TBC1D12: variants seen among roughly 807,000 people sequenced by gnomAD.
TBC1D12 encodes TBC1 domain family member 12.
In TBC1D12, 56 loss-of-function variants were observed where a neutral mutation model predicts 86.7. That is an observed-to-expected ratio of 0.65 (90% CI 0.52 to 0.81). The LOEUF is 0.81. Among genes scored for constraint, TBC1D12 ranks in the 30% least tolerant of loss-of-function variants. TBC1D12 has a pLI of 0.00. For synonymous variants in TBC1D12, 421 were observed against 411.7 expected (o/e 1.02, Z -0.27); for missense variants, 1,023 against 1,038.8 (o/e 0.98, Z 0.21).
At chr10:94,440,249 A>C (rs562520706) in intron 1 of TBC1D12, among the ~76,000 whole-genome samples, 9 of 151,712 alleles carry the variant, frequency 5.9e-5, no homozygotes, top group Non-Finnish European at 1.3e-4. Context: ...AGCTCACTGC[A>C]TCCTTAACTC....
In TBC1D12 at chr10:94,483,515, G is replaced by A. The variant is rs2056109644; in HGVS notation, c.1211+8732G>A. 2.0e-5 allele frequency among the ~76,000 whole-genome samples: 3 copies of A among 152,188 alleles called. No homozygotes were observed. In the South Asian group the frequency reaches 6.2e-4, roughly 31 times the overall value. Reference sequence around the variant, plus strand: ...GATTTGCATTTCTCTGATCAGTGATGTTGAGCACCTTTGAATATGGCTGTT... The same window carrying A: ...GATTTGCATTTCTCTGATCAGTGATATTGAGCACCTTTGAATATGGCTGTT... On this transcript the variant is annotated intron_variant, in intron 3 of 12. Coordinates refer to ENST00000225235, the MANE Select transcript of TBC1D12 (RefSeq NM_015188.2).
At chr10:94,518,110 C>T (rs573234582) in intron 9 of TBC1D12, among the ~76,000 whole-genome samples, 2 of 152,102 alleles carry the variant, frequency 1.3e-5, no homozygotes, top group Non-Finnish European at 1.5e-5. Context: ...GCCGAGATCC[C>T]GCCACTGCAC....
chr10:94,445,806 G>T (rs1004179218), intron 2 of TBC1D12, among the ~76,000 whole-genome samples: 3 of 152,028 alleles, frequency 2.0e-5, no homozygotes, highest in African/African-American at 7.3e-5. Flanking sequence ...AAATTAGCTA[G>T]GTGTGGTGGC....
chr10:94,528,860 A>AC (rs1842359995), intron 11 of TBC1D12, among the ~76,000 whole-genome samples: 1 of 150,788 alleles, frequency 6.6e-6, no homozygotes, highest in African/African-American at 2.4e-5. Context: ...TAATTTGAGG[A>AC]GGGGGAAGAG....
intron 3 of TBC1D12, among the ~76,000 whole-genome samples, 162 bp downstream of exon 3, chr10:94,474,945 A>G (rs1467197419): frequency 1.3e-5 from 2 of 151,916 alleles, no homozygotes; most frequent in African/African-American, 2.4e-5. Context: ...GGGAGAATAT[A>G]TTTTTCTTGG....
intron 3 of TBC1D12, among the ~76,000 whole-genome samples, chr10:94,489,122 A>G (rs2056211882): frequency 1.3e-5 from 2 of 152,078 alleles, no homozygotes; most frequent in Admixed American, 6.6e-5. Context: ...TTTCAAGTTC[A>G]CTTAGGATCC....
At position 94,531,440 on chromosome 10, in the gene TBC1D12, A is replaced by T. The variant is rs772906095; in HGVS notation, c.2239A>T (p.Ser747Cys). The T allele has an allele frequency of 6.2e-7, 1 of 1,613,432 alleles. No individual in the cohort carries two copies. The highest frequency in any genetic ancestry group is 1.7e-5 in the Admixed American group (1 of 59,966). Reference protein sequence around the residue: ...SCIAAIQMQNSTKKWTQVFAS... With the variant: ...SCIAAIQMQNCTKKWTQVFAS... ...TATTGCAGCCATTCAGATGCAGAAT[A>T]GCACCAAAAAATGGACTCAGGTAGA... Residue 747 changes from serine (S) to cysteine (C), a missense_variant, in exon 12 of 13, where the codon AGC becomes TGC. By Grantham distance (112) the Ser-to-Cys change is moderately radical. This residue lies in a region of TBC1D12 where 395 missense variants were observed against 507.7 expected (regional missense o/e 0.78). Coordinates refer to ENST00000225235, the MANE Select transcript of TBC1D12 (RefSeq NM_015188.2).
chr10:94,415,466 G>T (rs928806779), intron 1 of TBC1D12, among the ~76,000 whole-genome samples: 3 of 152,178 alleles, frequency 2.0e-5, no homozygotes, highest in African/African-American at 7.2e-5. Flanking sequence ...AGGCCCGGTG[G>T]CTCATGCCTG....
intron 2 of TBC1D12, among the ~76,000 whole-genome samples, chr10:94,470,431 T>A (rs2055886493): frequency 6.6e-6 from 1 of 152,018 alleles, no homozygotes; most frequent in Admixed American, 6.6e-5. Flanking sequence ...GTGGAATGAT[T>A]ATGACCCACT....
At chr10:94,487,270 G>T (rs1211934742) in intron 3 of TBC1D12, among the ~76,000 whole-genome samples, 2 of 140,090 alleles carry the variant, frequency 1.4e-5, no homozygotes, top group African/African-American at 5.3e-5. Context: ...AATCTATTCA[G>T]TTACTGTATC....
At chr10:94,457,218 A>G (rs1001555760) in intron 2 of TBC1D12, among the ~76,000 whole-genome samples, 1 of 152,054 alleles carries the variant, frequency 6.6e-6, no homozygotes, top group African/African-American at 2.4e-5. Context: ...TAAGCCCCAC[A>G]TGCATTAGGT....
chr10:94,515,435 C>A (rs2056579810), intron 9 of TBC1D12, among the ~76,000 whole-genome samples: 1 of 151,652 alleles, frequency 6.6e-6, no homozygotes, highest in Non-Finnish European at 1.5e-5. Flanking sequence ...GCACCCTCCA[C>A]CTTCTGGGTT....
At chr10:94,508,707 A>C (rs1305656261) in intron 7 of TBC1D12, 1 of 151,762 alleles carries the variant, frequency 6.6e-6, no homozygotes, top group Non-Finnish European at 1.5e-5. Flanking sequence ...AAAATTTATT[A>C]TTATTTTTTT....
Position 94,465,847 on chromosome 10 carries a change from C to A in TBC1D12, c.1096-8821C>A, listed in dbSNP as rs192637362. Among the ~76,000 whole-genome samples the A allele has an allele frequency of 9.6e-3, 1,446 of 150,744 alleles. 14 individuals are homozygous for A. The highest frequency in any genetic ancestry group is 0.015 in the Non-Finnish European group (1,028 of 67,716). On this transcript the variant is annotated intron_variant, in intron 2 of 12. Transcript: ENST00000225235. ...ATATACGTATACGCATACATATATACGTACATGCATACATACATATATACA... is the reference window on the plus strand; with the variant it reads ...ATATACGTATACGCATACATATATAAGTACATGCATACATACATATATACA...
rs145878990 is a variant in TBC1D12 at position 94,521,918 on chromosome 10, G to A, written c.1762-37G>A. On this transcript the variant is annotated intron_variant, in intron 9 of 12. Coordinates refer to ENST00000225235, the MANE Select transcript of TBC1D12 (RefSeq NM_015188.2). ...AAATAAACTATATAGATTTATTATT[G>A]TAAGTCCATTTTGACTAAATTTTTC... is the stretch of plus-strand genomic sequence containing the variant. 252 of 1,530,268 alleles carry A rather than the reference G, an allele frequency of 1.6e-4. No individual in the cohort carries two copies. In the Middle Eastern group the frequency reaches 2.5e-3, roughly 15 times the overall value. 94.8% of individuals were successfully genotyped at this position (1,530,268 alleles called of 1,614,324 possible). A position where few individuals can be genotyped will look rare whatever the true frequency, so the allele number is the denominator to read the frequency against.
At chr10:94,470,690 C>CT (rs35586245) in intron 2 of TBC1D12, among the ~76,000 whole-genome samples, 10,637 of 105,792 alleles carry the variant, frequency 0.1, 707 homozygotes, top group African/African-American at 0.21. Context: ...ATTTGTAATT[C>CT]TTTTTTTTTT....
chr10:94,493,345 T>G lies in TBC1D12; in HGVS notation c.1212-20T>G. The stretch of plus-strand genomic sequence containing the variant: ...TAATCTTTTAAAAATTGTCTTGACT[T>G]AAGTAATTTTTTTTTCCAGAAATCT... On this transcript the variant is annotated intron_variant, in intron 3 of 12. Coordinates refer to ENST00000225235, the MANE Select transcript of TBC1D12 (RefSeq NM_015188.2). The G allele has an allele frequency of 1.9e-6, 3 of 1,587,666 alleles. No individual in the cohort carries two copies. The highest frequency in any genetic ancestry group is 2.6e-6 in the Non-Finnish European group (3 of 1,163,390).
intron 9 of TBC1D12, 70 bp from the exon 10 acceptor site, chr10:94,521,885 G>A (rs1230366518): frequency 7.5e-7 from 1 of 1,328,990 alleles, no homozygotes; most frequent in Non-Finnish European, 1.0e-6. Context: ...TTTTTCAGGA[G>A]TACAATAAAA....
intron 3 of TBC1D12, among the ~76,000 whole-genome samples, chr10:94,480,876 CAAA>C (rs141683357): frequency 1.6e-5 from 2 of 126,622 alleles, no homozygotes; most frequent in Admixed American, 8.1e-5. Flanking sequence ...GACCTTGTCT[CAAA>C]AAAAAAAAAA....
Sources: gnomAD v4.1 joint callset for allele counts (sites outside exome capture counted in the v4.1 genomes callset) on GRCh38, gnomAD v4.1.1 for gene constraint, gnomAD v4.1.1 regional missense constraint, MANE v1.5 for transcripts, NCBI Gene and HGNC (gene_info 2026-07-23, HGNC 2026-07-21) for gene names.